The following DACH1 variants were observed in gnomAD, a reference collection of about 807,000 sequenced individuals.
DACH1 encodes the protein dachshund family transcription factor 1.
In DACH1, 12 loss-of-function variants were observed where a neutral mutation model predicts 54.2. That is an observed-to-expected ratio of 0.22 (90% CI 0.14 to 0.36). DACH1 has a LOEUF of 0.36. Among genes scored for constraint, DACH1 ranks in the 10% least tolerant of loss-of-function variants. The probability of loss-of-function intolerance (pLI) is 1.00; values close to 1 mark genes in which losing one functional copy is unlikely to be tolerated. For synonymous variants in DACH1, 386 were observed against 366.2 expected (o/e 1.05, Z -0.62); for missense variants, 805 against 929.8 (o/e 0.87, Z 1.75).
At chr13:71,779,189 GTA>G (rs1229826228) in intron 1 of DACH1, among the ~76,000 whole-genome samples, 26 of 114,504 alleles carry the variant, frequency 2.3e-4, no homozygotes, top group Non-Finnish European at 4.0e-4. Context: ...ACATATATAC[GTA>G]TATACGTATA....
chr13:71,544,362 T>C (rs572472820), intron 6 of DACH1, among the ~76,000 whole-genome samples: 4 of 152,142 alleles, frequency 2.6e-5, no homozygotes, highest in Non-Finnish European at 5.9e-5. Flanking sequence ...TTCAAAAACT[T>C]CTCAGTATGG....
At chr13:71,842,918 G>C (rs1024309232) in intron 1 of DACH1, among the ~76,000 whole-genome samples, 1 of 152,250 alleles carries the variant, frequency 6.6e-6, no homozygotes, top group East Asian at 1.9e-4. Flanking sequence ...TGAATGCTCA[G>C]ATGAGGCATG....
chr13:71,486,684 G>A (rs539102834), intron 7 of DACH1, among the ~76,000 whole-genome samples: 2 of 152,110 alleles, frequency 1.3e-5, no homozygotes, highest in South Asian at 4.1e-4. Flanking sequence ...ATATGTACAT[G>A]CATGTATAAA....
intron 1 of DACH1, among the ~76,000 whole-genome samples, chr13:71,745,577 C>T (rs1313691191): frequency 3.3e-5 from 5 of 152,174 alleles, no homozygotes; most frequent in Admixed American, 6.5e-5. Flanking sequence ...ATCATCAAAA[C>T]GTGACATCGA....
At chr13:71,562,784 T>A (rs543895104) in intron 4 of DACH1, among the ~76,000 whole-genome samples, 2 of 152,232 alleles carry the variant, frequency 1.3e-5, no homozygotes, top group South Asian at 4.1e-4. Context: ...TACCCTAAAC[T>A]ATAAAGAAGT....
At chr13:71,476,784 A>C (rs2138175977) in intron 8 of DACH1, among the ~76,000 whole-genome samples, 1 of 152,132 alleles carries the variant, frequency 6.6e-6, no homozygotes, top group African/African-American at 2.4e-5. Context: ...TTTAACTTTT[A>C]CTACATATAT....
intron 1 of DACH1, among the ~76,000 whole-genome samples, chr13:71,779,908 G>C (rs1886296019): frequency 6.6e-6 from 1 of 151,980 alleles, no homozygotes; most frequent in South Asian, 2.1e-4. Flanking sequence ...TATATTGTGA[G>C]CTGAGAACAA....
At chr13:71,760,450 G>T (rs553816642) in intron 1 of DACH1, among the ~76,000 whole-genome samples, 1 of 152,212 alleles carries the variant, frequency 6.6e-6, no homozygotes, top group South Asian at 2.1e-4. Context: ...AAACAAGGGG[G>T]ACCTATTACA....
At chr13:71,865,137 C>G (rs1874638474) in intron 1 of DACH1, among the ~76,000 whole-genome samples, 1 of 152,112 alleles carries the variant, frequency 6.6e-6, no homozygotes, top group African/African-American at 2.4e-5. Context: ...TCGCATCTGC[C>G]CCGGGGCCAC....
chr13:71,507,770 T>C (rs2138249476), intron 6 of DACH1, among the ~76,000 whole-genome samples: 1 of 152,314 alleles, frequency 6.6e-6, no homozygotes, highest in South Asian at 2.1e-4. Context: ...TATATGGAGA[T>C]AATACATAAC....
intron 6 of DACH1, among the ~76,000 whole-genome samples, chr13:71,530,454 T>TA (rs147404157): frequency 0.024 from 3,568 of 150,066 alleles, 133 homozygotes; most frequent in African/African-American, 0.08. Flanking sequence ...GACACTAATT[T>TA]AAAAAAAAAA....
intron 2 of DACH1, among the ~76,000 whole-genome samples, chr13:71,668,012 A>G (rs1360111248): frequency 6.6e-6 from 1 of 152,104 alleles, no homozygotes; most frequent in African/African-American, 2.4e-5. Flanking sequence ...TAATAGATAA[A>G]TGAAGGTATC....
chr13:71,534,206 AT>A (rs1882602714), intron 6 of DACH1, among the ~76,000 whole-genome samples: 2 of 152,030 alleles, frequency 1.3e-5, no homozygotes, highest in South Asian at 4.1e-4. Context: ...GTGAGGCAAT[AT>A]TTTTTATGTT....
At chr13:71,468,996 C>A (rs1876838211) in intron 10 of DACH1, among the ~76,000 whole-genome samples, 1 of 152,116 alleles carries the variant, frequency 6.6e-6, no homozygotes, top group Non-Finnish European at 1.5e-5. Flanking sequence ...AACAAGCTAA[C>A]TATCTAAAAT....
intron 10 of DACH1, among the ~76,000 whole-genome samples, chr13:71,455,877 T>C (rs2138127542): frequency 6.6e-6 from 1 of 152,272 alleles, no homozygotes; most frequent in African/African-American, 2.4e-5. Flanking sequence ...ACTTCATATT[T>C]TCTAAGGAAA....
intron 1 of DACH1, among the ~76,000 whole-genome samples, chr13:71,805,659 T>C (rs143529671): frequency 6.6e-6 from 1 of 152,296 alleles, no homozygotes; most frequent in Non-Finnish European, 1.5e-5. Flanking sequence ...AATCCCCTGG[T>C]TTACCGTTAG....
intron 2 of DACH1, among the ~76,000 whole-genome samples, chr13:71,649,749 T>C (rs547259264): frequency 9.5e-4 from 145 of 152,338 alleles, no homozygotes; most frequent in Middle Eastern, 3.4e-3. Context: ...ATACACATCT[T>C]GACTTTAAGG....
chr13:71,586,811 AATC>A (rs1873313942), intron 3 of DACH1, among the ~76,000 whole-genome samples: 2 of 152,212 alleles, frequency 1.3e-5, no homozygotes, highest in East Asian at 3.9e-4. Context: ...AAAGCCATCA[AATC>A]ATCATATTAT....
At chr13:71,843,028 ATG>A (rs1872982530) in intron 1 of DACH1, among the ~76,000 whole-genome samples, 1 of 152,200 alleles carries the variant, frequency 6.6e-6, no homozygotes, top group Non-Finnish European at 1.5e-5. Flanking sequence ...ACTATGAAAA[ATG>A]TGTATGGCTT....
Sources: gnomAD v4.1 joint callset for allele counts (sites outside exome capture counted in the v4.1 genomes callset) on GRCh38, gnomAD v4.1.1 for gene constraint, MANE v1.5 for transcripts, NCBI Gene and HGNC (gene_info 2026-07-23, HGNC 2026-07-21) for gene names.